OPCML: variants seen among roughly 807,000 people sequenced by gnomAD.
OPCML encodes the protein opioid binding protein/cell adhesion molecule like, also known as opioid-binding protein/cell adhesion molecule.
Under a neutral mutation model 37.8 loss-of-function variants are expected in OPCML, and 13 were observed. The ratio of observed to expected loss-of-function variants is 0.34; its 90% CI spans 0.22 to 0.55. The LOEUF (loss-of-function observed/expected upper bound fraction) is 0.55. OPCML is among the 20% of genes least tolerant of loss of function. OPCML has a pLI of 0.91. For synonymous variants in OPCML, 176 were observed against 168.8 expected, an observed-to-expected ratio of 1.04 and a Z score of -0.33; for missense variants, 341 against 435.6, an observed-to-expected ratio of 0.78 and a Z score of 1.93.
intron 4 of OPCML, among the ~76,000 whole-genome samples, chr11:132,473,947 A>G (rs959419009): frequency 1.3e-5 from 2 of 152,214 alleles, no homozygotes; most frequent in African/African-American, 4.8e-5. Context: ...AGCACTCTCT[A>G]CAATCTAAGG....
At chr11:132,945,847 A>G (rs1430200289) in intron 1 of OPCML, among the ~76,000 whole-genome samples, 5 of 152,004 alleles carry the variant, frequency 3.3e-5, no homozygotes, top group Non-Finnish European at 5.9e-5. Context: ...CAGTGGCGCA[A>G]TCTCGGCTCA....
chr11:132,630,789 C>G (rs566716460), intron 3 of OPCML, among the ~76,000 whole-genome samples: 1 of 152,128 alleles, frequency 6.6e-6, no homozygotes, highest in Non-Finnish European at 1.5e-5. Context: ...GAAATAGGAA[C>G]GATGTCCACA....
chr11:133,527,841 A>G (rs924127753), intron 1 of OPCML, among the ~76,000 whole-genome samples: 2 of 152,230 alleles, frequency 1.3e-5, no homozygotes, highest in East Asian at 3.8e-4. Flanking sequence ...GATCACTCTC[A>G]GCTTTCAGCA....
rs535303174 is a variant in OPCML at position 133,216,248 on chromosome 11, A to C, written c.62-273238T>G. 6.0e-4 allele frequency among the ~76,000 whole-genome samples: 91 copies of C among 152,272 alleles called. 1 individual carries two copies. The highest frequency in any genetic ancestry group is 5.9e-3 in the Admixed American group (90 of 15,292). On this transcript the variant is annotated intron_variant, in intron 1 of 7. Transcript: ENST00000524381. ...AAGTTCTCCTTTGTTTGGAGTTGACATTTACCTCCCAGAAACTGTGTTTTA... is the reference window on the plus strand; with the variant it reads ...AAGTTCTCCTTTGTTTGGAGTTGACCTTTACCTCCCAGAAACTGTGTTTTA...
chr11:133,097,797 T>G (rs1949025992), intron 1 of OPCML, among the ~76,000 whole-genome samples: 2 of 152,210 alleles, frequency 1.3e-5, no homozygotes, highest in South Asian at 4.1e-4. Context: ...AAGATATGTC[T>G]GCCAAAACTT....
At chr11:133,121,790 ATTTCT>A (rs796790218) in intron 1 of OPCML, among the ~76,000 whole-genome samples, 64 of 152,290 alleles carry the variant, frequency 4.2e-4, no homozygotes, top group African/African-American at 1.5e-3. Flanking sequence ...ATACCATTTC[ATTTCT>A]TGACAATCCT....
rs148527803 is a variant in OPCML at position 132,589,035 on chromosome 11, A to T, written c.380-59849T>A. Among the ~76,000 whole-genome samples, 5 of 152,326 alleles carry T rather than the reference A, an allele frequency of 3.3e-5. No individual in the cohort carries two copies. In the East Asian group the frequency reaches 9.6e-4, roughly 29 times the overall value. On this transcript the variant is annotated intron_variant, in intron 3 of 7. Coordinates refer to ENST00000524381, the MANE Select transcript of OPCML (RefSeq NM_001012393.5). The stretch of plus-strand genomic sequence containing the variant: ...ATTGTTTATTAGCACGATATAGCCT[A>T]TCTTGGTTTGCATTTGATACGCAAT...
chr11:132,951,619 C>T (rs922614857), intron 1 of OPCML, among the ~76,000 whole-genome samples: 11 of 152,168 alleles, frequency 7.2e-5, no homozygotes, highest in Non-Finnish European at 1.5e-4. Context: ...CTGGCACTCC[C>T]TAAGTCCATA....
chr11:132,420,478 G>A (rs1254498854), intron 7 of OPCML, 185 bp from the exon 8 acceptor site: 1 of 774,696 alleles, frequency 1.3e-6, no homozygotes, highest in Non-Finnish European at 1.6e-6. Context: ...CTGTTGGGAT[G>A]CCTTGACCAA....
At chr11:132,639,901 G>A (rs1012699684) in intron 3 of OPCML, among the ~76,000 whole-genome samples, 5 of 152,216 alleles carry the variant, frequency 3.3e-5, no homozygotes, top group African/African-American at 1.2e-4. Context: ...AGCTAGGCCT[G>A]GGGAGCATTT....
At chr11:133,216,388 A>T (rs1304931168) in intron 1 of OPCML, among the ~76,000 whole-genome samples, 3 of 152,170 alleles carry the variant, frequency 2.0e-5, no homozygotes, top group Admixed American at 2.0e-4. Flanking sequence ...AGCCCTTTGG[A>T]TGGTACGTAT....
intron 2 of OPCML, among the ~76,000 whole-genome samples, chr11:132,877,481 C>A (rs1169020674): frequency 6.6e-6 from 1 of 152,170 alleles, no homozygotes; most frequent in Non-Finnish European, 1.5e-5. Flanking sequence ...CATTTGACTT[C>A]TCAGTTCTTC....
rs773519593 is a variant in OPCML at position 133,484,135 on chromosome 11, AGAT to A, written c.61+48126_61+48128del. Among the ~76,000 whole-genome samples, 721 of 148,700 alleles carry A rather than the reference AGAT, an allele frequency of 4.8e-3. 10 individuals are homozygous for A. Among genetic ancestry groups the A allele is most frequent in the African/African-American group, 0.017 (658 of 39,366 alleles). ...GATGATAGATAGATGATTGATAGATAGATGATAGATGGATAGATAGATAGATAG... is the reference window on the plus strand; with the variant it reads ...GATGATAGATAGATGATTGATAGATAGATAGATGGATAGATAGATAGATAG... On this transcript the variant is annotated intron_variant, in intron 1 of 7. Coordinates refer to ENST00000524381, the MANE Select transcript of OPCML (RefSeq NM_001012393.5).
intron 1 of OPCML, among the ~76,000 whole-genome samples, chr11:133,487,837 A>G (rs1947563211): frequency 6.6e-6 from 1 of 151,552 alleles, no homozygotes; most frequent in South Asian, 2.1e-4. Context: ...CCCAATCAGA[A>G]TCTCAGTGAT....
At chr11:133,378,767 C>T (rs1292824295) in intron 1 of OPCML, among the ~76,000 whole-genome samples, 1 of 150,794 alleles carries the variant, frequency 6.6e-6, no homozygotes, top group Non-Finnish European at 1.5e-5. Context: ...AAGTCTCACT[C>T]TGTCACCTAG....
chr11:132,612,220 T>C (rs1321985050), intron 3 of OPCML, among the ~76,000 whole-genome samples: 2 of 152,192 alleles, frequency 1.3e-5, no homozygotes, highest in Non-Finnish European at 2.9e-5. Context: ...CCAAGTGTTG[T>C]CCACATCCAA....
At chr11:132,694,168 G>T (rs1283735036) in intron 2 of OPCML, among the ~76,000 whole-genome samples, 1 of 109,740 alleles carries the variant, frequency 9.1e-6, no homozygotes, top group East Asian at 3.2e-4. Flanking sequence ...TTCGTTCTGT[G>T]AAATCAATGT....
intron 3 of OPCML, among the ~76,000 whole-genome samples, chr11:132,568,802 A>G (rs1387524802): frequency 1.3e-5 from 2 of 152,238 alleles, no homozygotes; most frequent in East Asian, 3.9e-4. Flanking sequence ...AAACTAACGC[A>G]GCTGCCATTA....
chr11:132,554,461 A>T (rs930408125), intron 3 of OPCML, among the ~76,000 whole-genome samples: 1 of 152,230 alleles, frequency 6.6e-6, no homozygotes, highest in Non-Finnish European at 1.5e-5. Flanking sequence ...AAGCATTCAG[A>T]AGCCAGCTAG....
Sources: allele counts gnomAD v4.1 joint callset (sites outside exome capture counted in the v4.1 genomes callset), GRCh38; gene constraint gnomAD v4.1.1; transcripts MANE v1.5; gene names NCBI Gene and HGNC (gene_info 2026-07-23, HGNC 2026-07-21).